TREML2: variants seen among roughly 807,000 people sequenced by gnomAD.
TREML2 encodes triggering receptor expressed on myeloid cells like 2.
In TREML2, 24 loss-of-function variants were observed where a neutral mutation model predicts 25.9. That is an observed-to-expected ratio of 0.93 (90% CI 0.67 to 1.30). The LOEUF (loss-of-function observed/expected upper bound fraction) is 1.30. TREML2 is among the 50% of genes most tolerant of loss of function. TREML2 has a pLI of 0.00. For missense variants in TREML2, 359 were observed against 395.6 expected (o/e 0.91, Z 0.78); for synonymous variants, 139 against 155.2 (o/e 0.90, Z 0.77).
Position 41,194,639 on chromosome 6 carries a change from T to C in TREML2, c.571A>G (p.Ser191Gly). The C allele has an allele frequency of 3.1e-6, 5 of 1,614,022 alleles. No individual in the cohort carries two copies. Among genetic ancestry groups the C allele is most frequent in the Non-Finnish European group, 4.2e-6 (5 of 1,179,972 alleles). ...CTGGTGGTGCTGGTAGCAGTGAAGC[T>C]GTAGCCTGTCTTGGAGGCAGGTCTG... ...STRPASKTGY[S>G]FTATSTTSQG... The change falls in exon 3 of 5, where the codon AGC (serine) becomes GGC (glycine). Residue 191 changes from serine to glycine, a missense_variant. Transcript: ENST00000483722.
At chr6:41,200,474 C>T (rs1766254707) in intron 1 of TREML2, among the ~76,000 whole-genome samples, 1 of 152,202 alleles carries the variant, frequency 6.6e-6, no homozygotes, top group African/African-American at 2.4e-5. Context: ...GGTGAGGTTC[C>T]TCAAGGAGCA....
intron 3 of TREML2, among the ~76,000 whole-genome samples, chr6:41,193,944 C>G (rs544026837): frequency 8.7e-5 from 11 of 126,542 alleles, no homozygotes; most frequent in African/African-American, 3.3e-4. Flanking sequence ...GCCCCCGACT[C>G]TCATAGTCCC....
chr6:41,200,395 C>T (rs920842531), intron 1 of TREML2, among the ~76,000 whole-genome samples: 1 of 152,106 alleles, frequency 6.6e-6, no homozygotes, highest in Non-Finnish European at 1.5e-5. Flanking sequence ...TTTTGCCAAC[C>T]CCCACCATGC....
intron 3 of TREML2, among the ~76,000 whole-genome samples, chr6:41,193,488 A>T (rs1420066560): frequency 1.3e-5 from 2 of 150,108 alleles, no homozygotes; most frequent in African/African-American, 4.9e-5. Context: ...GCTAGATCTG[A>T]CTCTCCCCGT....
chr6:41,199,453 C>T (rs1766237434), intron 1 of TREML2, among the ~76,000 whole-genome samples: 1 of 152,342 alleles, frequency 6.6e-6, no homozygotes, highest in South Asian at 2.1e-4. Context: ...TGTAAACAAA[C>T]TCCCAATGGA....
rs775467032 is a variant in TREML2 at position 41,201,025 on chromosome 6, G to C, written c.-17C>G. 4 of 1,611,218 alleles carry C rather than the reference G, an allele frequency of 2.5e-6. No homozygotes were observed. The South Asian group carries it at 4.4e-5, about 18-fold the overall frequency. ...TGGGGCCATGGTTCCATCCAGCTGG[G>C]CAGTGTCAGGCCTGGAGATCCAAGG... On this transcript the variant is annotated 5_prime_UTR_variant, in exon 1 of 5. Transcript: ENST00000483722.
At chr6:41,198,546 A>C in intron 1 of TREML2, 117 bp from the exon 2 acceptor site, 1 of 1,144,918 alleles carries the variant, frequency 8.7e-7, no homozygotes, top group South Asian at 1.5e-5. Context: ...CACAGAACCC[A>C]CAGATTGAGG....
At position 41,201,097 on chromosome 6, in the gene TREML2, A is replaced by G; in HGVS notation, c.-89T>C. 6.7e-7 allele frequency: 1 copy of G among 1,503,164 alleles called. No homozygotes were observed. The allele number at this position is 1,503,164 out of a possible 1,614,324, so 93.1% of individuals were successfully genotyped here. ...ATGTGCCACCTGGGCCTGCCAGGGAAGGACCCGGGGTTCTAAAAGTGAAGC... is the reference window on the plus strand; with the variant it reads ...ATGTGCCACCTGGGCCTGCCAGGGAGGGACCCGGGGTTCTAAAAGTGAAGC... On this transcript the variant is annotated 5_prime_UTR_variant, in exon 1 of 5. Coordinates refer to ENST00000483722, the MANE Select transcript of TREML2 (RefSeq NM_024807.4).
At chr6:41,196,232 C>A (rs941926022) in intron 2 of TREML2, among the ~76,000 whole-genome samples, 3 of 152,186 alleles carry the variant, frequency 2.0e-5, no homozygotes, top group African/African-American at 7.2e-5. Flanking sequence ...ATTAAGACTT[C>A]AGTGAACCAG....
chr6:41,199,629 C>T (rs1389091624), intron 1 of TREML2, among the ~76,000 whole-genome samples: 2 of 152,184 alleles, frequency 1.3e-5, no homozygotes, highest in Non-Finnish European at 2.9e-5. Flanking sequence ...AGGGAGAAAG[C>T]TGCCTTGGGC....
intron 4 of TREML2, 28 bp downstream of exon 4, chr6:41,192,773 A>C (rs766558535): frequency 3.1e-6 from 5 of 1,593,378 alleles, no homozygotes; most frequent in Non-Finnish European, 4.3e-6. Flanking sequence ...CTCTGCCCTC[A>C]GGAGGCTGGG....
Position 41,194,493 on chromosome 6 carries a change from C to T in TREML2, c.717G>A (p.Ser239=), listed in dbSNP as rs372822570. 337 of 1,612,028 alleles carry T rather than the reference C, an allele frequency of 2.1e-4. 5 individuals carry two copies. The South Asian group carries it at 3.4e-3, about 16-fold the overall frequency. ...TGGTGAGGCAGAGCCCTGTGGTGGGCGATCTGGTGCTGAGGTCCCCAGACT... is the reference window on the plus strand; with the variant it reads ...TGGTGAGGCAGAGCCCTGTGGTGGGTGATCTGGTGCTGAGGTCCCCAGACT... ...STKSGDLSTR[S]PTTGLCLTSR... is the part of the protein sequence containing the mutation. Residue 239 remains serine, a synonymous_variant, in exon 3 of 5, where the codon TCG becomes TCA. Coordinates refer to ENST00000483722, the MANE Select transcript of TREML2 (RefSeq NM_024807.4).
chr6:41,192,439 G>A lies in TREML2; in HGVS notation c.954C>T (p.Val318=), dbSNP rs1027638138. The change falls in exon 5 of 5, where the codon GTC becomes GTT. Residue 318 remains valine, a synonymous_variant. Coordinates refer to ENST00000483722, the MANE Select transcript of TREML2 (RefSeq NM_024807.4). ...PPGRPEPYVE[V]YLI ...TGCTTAAGTGGCCTCAGATCAAGTA[G>A]ACTTCCACATAGGGCTCTGGTCTTC... The A allele has an allele frequency of 1.2e-6, 2 of 1,613,872 alleles. No individual in the cohort carries two copies. Among genetic ancestry groups the A allele is most frequent in the African/African-American group, 2.7e-5 (2 of 75,034 alleles).
chr6:41,199,820 T>C (rs2395753), intron 1 of TREML2, among the ~76,000 whole-genome samples: 122,754 of 152,254 alleles, frequency 0.81, 49,562 homozygotes, highest in East Asian at 0.91. Context: ...GTGGTGTGAT[T>C]AGGTCACCTG....
chr6:41,192,579 C>T lies in TREML2; in HGVS notation c.887-73G>A, dbSNP rs1766085516. 5 of 1,454,248 alleles carry T rather than the reference C, an allele frequency of 3.4e-6. No homozygotes were observed. In the South Asian group the frequency reaches 5.9e-5, roughly 17 times the overall value. The allele number at this position is 1,454,248 out of a possible 1,614,324, so 90.1% of individuals were successfully genotyped here. Reference sequence around the variant, plus strand: ...TGCCCCGATGCTCCTCCACCAGCCCCAGCCCCTTTCTGGCTCTGCCTCTGG... The same window carrying T: ...TGCCCCGATGCTCCTCCACCAGCCCTAGCCCCTTTCTGGCTCTGCCTCTGG... On this transcript the variant is annotated intron_variant, in intron 4 of 4. Transcript: ENST00000483722.
intron 1 of TREML2, among the ~76,000 whole-genome samples, chr6:41,200,639 C>T (rs1402095938): frequency 6.6e-6 from 1 of 152,198 alleles, no homozygotes; most frequent in Non-Finnish European, 1.5e-5. Context: ...GCAGGGCTTC[C>T]TGACAGAGGC....
rs1239865333 is a variant in TREML2 at position 41,191,156 on chromosome 6, G to C, written c.*1271C>G. 1 of 149,672 alleles carries C rather than the reference G, an allele frequency of 6.7e-6. No individual in the cohort carries two copies. Among genetic ancestry groups the C allele is most frequent in the Non-Finnish European group, 1.4e-5 (1 of 70,232 alleles). The allele number at this position is 149,672 out of a possible 1,614,324, so 9.3% of individuals were successfully genotyped here. A position where few individuals can be genotyped will look rare whatever the true frequency, so the allele number is the denominator to read the frequency against. Reference sequence around the variant, plus strand: ...CCCAGGTGCTATTCCAGTCACTCCAGGTCAGTAGACACCTGTGTGTGTGTG... The same window carrying C: ...CCCAGGTGCTATTCCAGTCACTCCACGTCAGTAGACACCTGTGTGTGTGTG... On this transcript the variant is annotated 3_prime_UTR_variant, in exon 5 of 5. Transcript: ENST00000483722.
intron 4 of TREML2, 87 bp from the exon 5 acceptor site, chr6:41,192,593 C>T (rs564295233): frequency 1.4e-6 from 2 of 1,388,654 alleles, no homozygotes; most frequent in East Asian, 2.4e-5. Flanking sequence ...CCCTTTCTGG[C>T]TCTGCCTCTG....
chr6:41,190,437 A>G lies in TREML2; in HGVS notation c.*1990T>C, dbSNP rs1353426357. 1 of 152,262 alleles carries G rather than the reference A, an allele frequency of 6.6e-6. No individual in the cohort carries two copies. Among genetic ancestry groups the G allele is most frequent in the Non-Finnish European group, 1.5e-5 (1 of 68,050 alleles). 9.4% of individuals were successfully genotyped at this position (152,262 alleles called of 1,614,324 possible). A position where few individuals can be genotyped will look rare whatever the true frequency, so the allele number is the denominator to read the frequency against. ...AGGTCTTAAATGTAATGTTGGAAAC[A>G]ACATTAGAGCTGGAAAACAACTTAA... On this transcript the variant is annotated 3_prime_UTR_variant, in exon 5 of 5. Transcript: ENST00000483722.
Sources: gnomAD v4.1 joint callset for allele counts (sites outside exome capture counted in the v4.1 genomes callset) on GRCh38, gnomAD v4.1.1 for gene constraint, MANE v1.5 for transcripts, NCBI Gene and HGNC (gene_info 2026-07-23, HGNC 2026-07-21) for gene names.